The following KLK14 variants were observed in gnomAD, a reference collection of about 807,000 sequenced individuals.
KLK14 encodes kallikrein related peptidase 14.
A neutral mutation model predicts 24.6 loss-of-function variants in KLK14; 21 were observed. That is an observed-to-expected ratio of 0.85 (90% CI 0.61 to 1.23). KLK14 has a LOEUF of 1.23. Ranked by LOEUF, KLK14 falls within the 50% of genes most tolerant of loss-of-function variation. KLK14 has a pLI of 0.00. For missense variants in KLK14, 320 were observed against 338.9 expected (o/e 0.94, Z 0.44); for synonymous variants, 133 against 139.7 (o/e 0.95, Z 0.34).
chr19:51,078,631 T>C lies in KLK14; in HGVS notation c.603+184A>G, dbSNP rs780432767. Among the ~76,000 whole-genome samples the C allele has an allele frequency of 5.9e-5, 9 of 152,150 alleles. No individual in the cohort carries two copies. Among genetic ancestry groups the C allele is most frequent in the African/African-American group, 9.7e-5 (4 of 41,432 alleles). On this transcript the variant is annotated intron_variant, in intron 5 of 5. Coordinates refer to ENST00000650543, the MANE Select transcript of KLK14 (RefSeq NM_001369775.2). This position sits in a 1 kb window ranked among gnomAD's most constrained non-coding sequence, Gnocchi z 5.0. ...ACAGATGAGGAAACTGAGGCATGAA[T>C]GCTCTGAGTCCATTACCCAGGGGGC...
At chr19:51,083,286 G>GGAGAGAGAGAGAGAGAGAGA (rs756954891), upstream of KLK14, among the ~76,000 whole-genome samples, 3 of 133,368 alleles carry the variant, frequency 2.2e-5, no homozygotes, top group Non-Finnish European at 3.3e-5. Context: ...AGGGAGAGAG[G>GGAGAGAGAGAGAGAGAGAGA]GAGAGAGAGA....
At chr19:51,083,156 C>T (rs2091850930), upstream of KLK14, among the ~76,000 whole-genome samples, 1 of 151,446 alleles carries the variant, frequency 6.6e-6, no homozygotes, top group African/African-American at 2.4e-5. Context: ...TTCCCAGTTG[C>T]TGGAGGTGGT....
rs369361887 is a variant in KLK14 at position 51,079,435 on chromosome 19, G to A, written c.466+14C>T. The A allele has an allele frequency of 1.1e-5, 18 of 1,600,610 alleles. No homozygotes were observed. The highest frequency in any genetic ancestry group is 4.0e-5 in the African/African-American group (3 of 74,706). On this transcript the variant is annotated intron_variant, in intron 4 of 5. Coordinates refer to ENST00000650543, the MANE Select transcript of KLK14 (RefSeq NM_001369775.2). Reference sequence around the variant, plus strand: ...GGCCCAGTCCCCTGCTTTCCAAGACGCAGGAGTCCTCACCGATGGGGCTGG... The same window carrying A: ...GGCCCAGTCCCCTGCTTTCCAAGACACAGGAGTCCTCACCGATGGGGCTGG...
Position 51,080,191 on chromosome 19 carries a change from T to TGTG in KLK14, c.213-490_213-489insCAC, listed in dbSNP as rs944791229. On this transcript the variant is annotated intron_variant, in intron 3 of 5. Coordinates refer to ENST00000650543, the MANE Select transcript of KLK14 (RefSeq NM_001369775.2). ...CTTGATTTATTTATTTATTTTTTTT[T>TGTG]TGTGATGGAGTCTCGCTCTGTCACC... is the stretch of plus-strand genomic sequence containing the variant. Among the ~76,000 whole-genome samples the TGTG allele has an allele frequency of 1.1e-3, 166 of 152,202 alleles. 1 individual carries two copies. The highest frequency in any genetic ancestry group is 2.9e-3 in the African/African-American group (120 of 41,510).
Position 51,080,182 on chromosome 19 carries a change from A to T in KLK14, c.213-480T>A, listed in dbSNP as rs533964563. 1.2e-3 allele frequency among the ~76,000 whole-genome samples: 171 copies of T among 145,116 alleles called. 2 individuals carry two copies. In the South Asian group the frequency reaches 0.016, roughly 14 times the overall value. ...GGATTATGACTTGATTTATTTATTT[A>T]TTTTTTTTTTGTGATGGAGTCTCGC... is the stretch of plus-strand genomic sequence containing the variant. On this transcript the variant is annotated intron_variant, in intron 3 of 5. Transcript: ENST00000650543.
At chr19:51,080,950 G>A (rs1350529469) in intron 3 of KLK14, among the ~76,000 whole-genome samples, 4 of 152,230 alleles carry the variant, frequency 2.6e-5, no homozygotes, top group African/African-American at 7.2e-5. Flanking sequence ...TAGGATTATA[G>A]GCATGAGCCA....
At chr19:51,083,941 A>C (rs1205413327), upstream of KLK14, among the ~76,000 whole-genome samples, 2 of 152,036 alleles carry the variant, frequency 1.3e-5, no homozygotes, top group Non-Finnish European at 2.9e-5. Context: ...TGGGAGAAAG[A>C]GGATGGGACA....
At chr19:51,079,418 C>A (rs1449912479) in intron 4 of KLK14, 31 bp downstream of exon 4, 13 of 1,579,176 alleles carry the variant, frequency 8.2e-6, no homozygotes, top group South Asian at 1.1e-5. Context: ...CAGGCCCAGT[C>A]CCCTGCTTTC....
At position 51,081,622 on chromosome 19, in the gene KLK14, G is replaced by A. The variant is rs1283890111; in HGVS notation, c.122C>T (p.Ala41Val). 6.4e-7 allele frequency: 1 copy of A among 1,551,618 alleles called. No individual in the cohort carries two copies. Among genetic ancestry groups the A allele is most frequent in the Non-Finnish European group, 8.7e-7 (1 of 1,146,918 alleles). Residue 41 changes from alanine to valine, a missense_variant, in exon 3 of 6, where the codon GCC becomes GTC. Physicochemically the swap from Ala to Val is moderately conservative, Grantham distance 64. Coordinates refer to ENST00000650543, the MANE Select transcript of KLK14 (RefSeq NM_001369775.2). Reference sequence around the variant, plus strand: ...GCGGCGCCTGGGACCCGCCAGCAGGGCCGCCTGCCACGGCTGGGAGCTCCG... The same window carrying A: ...GCGGCGCCTGGGACCCGCCAGCAGGACCGCCTGCCACGGCTGGGAGCTCCG... The part of the protein sequence containing the change: ...CTRSSQPWQA[A>V]LLAGPRRRFL...
rs1325554027 is a variant in KLK14 at position 51,082,647 on chromosome 19, C to G, written c.-22-11G>C. On this transcript the variant is annotated splice_polypyrimidine_tract_variant and intron_variant, in intron 1 of 5. Coordinates refer to ENST00000650543, the MANE Select transcript of KLK14 (RefSeq NM_001369775.2). Reference sequence around the variant, plus strand: ...GCTGAGGGCCAGGTCCTGTCAAATGCAGAGAAAAAGTGAGAGAGAAGGAAC... The same window carrying G: ...GCTGAGGGCCAGGTCCTGTCAAATGGAGAGAAAAAGTGAGAGAGAAGGAAC... 6.2e-7 allele frequency: 1 copy of G among 1,614,068 alleles called. No homozygotes were observed. The highest frequency in any genetic ancestry group is 8.5e-7 in the Non-Finnish European group (1 of 1,180,000).
rs757545723 is a variant in KLK14 at position 51,078,026 on chromosome 19, T to G, written c.737A>C (p.Glu246Ala). ...AGACCATCATTTGTCCCGCATCGTT[T>G]CCTCAATCCAGCTTCTGTACTTGCA... ...NLCKYRSWIE[E>A]TMRDK The change falls in exon 6 of 6, where the codon GAA becomes GCA. Residue 246 changes from glutamate to alanine, a missense_variant. Physicochemically the swap from Glu to Ala is moderately radical, Grantham distance 107. Coordinates refer to ENST00000650543, the MANE Select transcript of KLK14 (RefSeq NM_001369775.2). This position sits in a 1 kb window ranked among gnomAD's most constrained non-coding sequence, Gnocchi z 5.0. 17 of 1,613,794 alleles carry G rather than the reference T, an allele frequency of 1.1e-5. No individual in the cohort carries two copies. The East Asian group carries it at 3.3e-4, about 32-fold the overall frequency.
At position 51,082,690 on chromosome 19, in the gene KLK14, G is replaced by T. The variant is rs748910846; in HGVS notation, c.-23+32C>A. 4.3e-6 allele frequency: 7 copies of T among 1,614,036 alleles called. No individual in the cohort carries two copies. In the South Asian group the frequency reaches 6.6e-5, roughly 15 times the overall value. ...GAAGGAACCTTCAACAGAACCGGGG[G>T]CTGAGAGGCAGAGACAGCAAGGGGC... On this transcript the variant is annotated intron_variant, in intron 1 of 5. Transcript: ENST00000650543.
At position 51,082,794 on chromosome 19, in the gene KLK14, C is replaced by T; in HGVS notation, c.-95G>A. 6.2e-7 allele frequency: 1 copy of T among 1,601,828 alleles called. No individual in the cohort carries two copies. The highest frequency in any genetic ancestry group is 8.5e-7 in the Non-Finnish European group (1 of 1,174,534). The stretch of plus-strand genomic sequence containing the variant: ...GGACCAGAGACGAGGGGGGCGGGGC[C>T]TGCAGGCTCTGCGGGCGGCAGGTGG... On this transcript the variant is annotated 5_prime_UTR_variant, in exon 1 of 6. Transcript: ENST00000650543.
chr19:51,082,627 G>C lies in KLK14; in HGVS notation c.-13C>G. 6.2e-7 allele frequency: 1 copy of C among 1,614,220 alleles called. No homozygotes were observed. Among genetic ancestry groups the C allele is most frequent in the Non-Finnish European group, 8.5e-7 (1 of 1,180,042 alleles). ...GCAGGAGGAACATTTTAGGGGCTGA[G>C]GGCCAGGTCCTGTCAAATGCAGAGA... On this transcript the variant is annotated 5_prime_UTR_variant, in exon 2 of 6. Transcript: ENST00000650543.
chr19:51,079,032 C>T (rs866999462), intron 4 of KLK14, 81 bp from the exon 5 acceptor site: 51 of 1,328,172 alleles, frequency 3.8e-5, no homozygotes, highest in African/African-American at 1.3e-4. Context: ...CTCCTCCTTC[C>T]GACCCAGGAG....
chr19:51,079,204 T>C (rs2091823067), intron 4 of KLK14, among the ~76,000 whole-genome samples: 3 of 89,972 alleles, frequency 3.3e-5, no homozygotes, highest in Non-Finnish European at 4.6e-5. Flanking sequence ...GCCCAGCCCC[T>C]CCTCCTTGAG....
In KLK14 at chr19:51,081,593, G is replaced by A. The variant is rs1225423014; in HGVS notation, c.151C>T (p.Leu51Phe). 6.5e-7 allele frequency: 1 copy of A among 1,550,270 alleles called. No individual in the cohort carries two copies. The highest frequency in any genetic ancestry group is 1.2e-5 in the South Asian group (1 of 83,900). Residue 51 changes from leucine (L) to phenylalanine (F), a missense_variant, in exon 3 of 6, where the codon CTC (leucine) becomes TTC (phenylalanine). Leu to Phe is a conservative substitution (Grantham distance 22). Coordinates refer to ENST00000650543, the MANE Select transcript of KLK14 (RefSeq NM_001369775.2). The part of the protein sequence containing the change: ...ALLAGPRRRF[L>F]CGGALLSGQW... ...CCTGAAAGCAGGGCGCCTCCGCAGAGGAAGCGGCGCCTGGGACCCGCCAGC... is the reference window on the plus strand; with the variant it reads ...CCTGAAAGCAGGGCGCCTCCGCAGAAGAAGCGGCGCCTGGGACCCGCCAGC...
rs1393858976 is a variant in KLK14, at chr19:51,078,778, A to G, written c.603+37T>C. The stretch of plus-strand genomic sequence containing the variant: ...CATCATTTGCTTAAATCCCAGTCCC[A>G]AATAATCCCTACCACAGCTCCCATC... On this transcript the variant is annotated intron_variant, in intron 5 of 5. Transcript: ENST00000650543. This position sits in a 1 kb window ranked among gnomAD's most constrained non-coding sequence, Gnocchi z 5.0. 1 of 1,607,516 alleles carries G rather than the reference A, an allele frequency of 6.2e-7. No homozygotes were observed. Among genetic ancestry groups the G allele is most frequent in the South Asian group, 1.1e-5 (1 of 90,224 alleles).
rs748150411 is a variant in KLK14 at position 51,078,905 on chromosome 19, C to T, written c.513G>A (p.Pro171=). The T allele has an allele frequency of 2.3e-5, 37 of 1,613,904 alleles. No homozygotes were observed. The highest frequency in any genetic ancestry group is 4.0e-5 in the African/African-American group (3 of 74,910). Residue 171 remains proline, a synonymous_variant, in exon 5 of 6, where the codon CCG becomes CCA. Coordinates refer to ENST00000650543, the MANE Select transcript of KLK14 (RefSeq NM_001369775.2). This position sits in a 1 kb window ranked among gnomAD's most constrained non-coding sequence, Gnocchi z 5.0. ...GATAGGCCTTCTGGCACACCTCATC[C>T]GGGGAGATGTTGATGTTCACGCATT... is the stretch of plus-strand genomic sequence containing the variant. ...SLQCVNINIS[P]DEVCQKAYPR...
Sources: allele counts gnomAD v4.1 joint callset (sites outside exome capture counted in the v4.1 genomes callset), GRCh38; gene constraint gnomAD v4.1.1; non-coding constraint Gnocchi (gnomAD v3.1); transcripts MANE v1.5; gene names NCBI Gene and HGNC (gene_info 2026-07-23, HGNC 2026-07-21).